ACSL5: variants seen among roughly 807,000 people sequenced by gnomAD.
ACSL5 encodes the protein long-chain-fatty-acid--CoA ligase 5.
A neutral mutation model predicts 84.9 loss-of-function variants in ACSL5; 50 were observed. The observed-to-expected ratio is 0.59, with a 90% confidence interval of 0.47 to 0.75. The LOEUF (loss-of-function observed/expected upper bound fraction) is 0.75, where lower values mean the gene tolerates loss of function less well. Among genes scored for constraint, ACSL5 ranks in the 30% least tolerant of loss-of-function variants. ACSL5 has a pLI of 0.00. For missense variants in ACSL5, 775 were observed against 830.4 expected (o/e 0.93, Z 0.82); for synonymous variants, 280 against 300.7 (o/e 0.93, Z 0.71).
intron 3 of ACSL5, among the ~76,000 whole-genome samples, chr10:112,403,815 A>ATT (rs1245397551): frequency 6.6e-6 from 1 of 152,198 alleles, no homozygotes; most frequent in Non-Finnish European, 1.5e-5. Flanking sequence ...ATTTAGCGTA[A>ATT]TTTAAAGTGT....
At chr10:112,392,611 G>A (rs1036495647) in intron 1 of ACSL5, among the ~76,000 whole-genome samples, 2 of 152,038 alleles carry the variant, frequency 1.3e-5, no homozygotes, top group Non-Finnish European at 2.9e-5. Context: ...CATGGTGGCA[G>A]GCACCTGTAG....
At chr10:112,426,011 C>A (rs563478028) in intron 18 of ACSL5, among the ~76,000 whole-genome samples, 1 of 152,068 alleles carries the variant, frequency 6.6e-6, no homozygotes, top group African/African-American at 2.4e-5. Context: ...AAGCCAGAGG[C>A]GCTTTAAGCT....
At chr10:112,377,791 G>C (rs1849269715) in intron 1 of ACSL5, among the ~76,000 whole-genome samples, 2 of 152,104 alleles carry the variant, frequency 1.3e-5, no homozygotes, top group Admixed American at 1.3e-4. Flanking sequence ...AAAACAAGAA[G>C]TGTAAGTGCA....
chr10:112,375,061 A>T (rs1049222698), intron 1 of ACSL5, among the ~76,000 whole-genome samples: 20 of 146,120 alleles, frequency 1.4e-4, no homozygotes, highest in Admixed American at 8.8e-4. Flanking sequence ...ATAAAAAAAA[A>T]AGAAATAAAA....
At position 112,422,454 on chromosome 10, in the gene ACSL5, T is replaced by C. The variant is rs1373051261; in HGVS notation, c.1593+13T>C. 6.2e-7 allele frequency: 1 copy of C among 1,608,658 alleles called. No homozygotes were observed. The highest frequency in any genetic ancestry group is 1.7e-5 in the Admixed American group (1 of 59,730). On this transcript the variant is annotated intron_variant, in intron 17 of 20. Coordinates refer to ENST00000354655, the MANE Select transcript of ACSL5 (RefSeq NM_203379.2). ...TCGCTGGCTCCCGGTAGGTATATCA[T>C]CAGAACTCCTGGAAGTCTATGCTAA...
chr10:112,377,956 C>A (rs1253161624), intron 1 of ACSL5, among the ~76,000 whole-genome samples: 4 of 152,150 alleles, frequency 2.6e-5, no homozygotes, highest in Non-Finnish European at 5.9e-5. Context: ...ACTTTTTAAT[C>A]CAGACCAAAC....
chr10:112,384,398 G>A (rs1849409750), intron 1 of ACSL5, among the ~76,000 whole-genome samples: 1 of 152,190 alleles, frequency 6.6e-6, no homozygotes, highest in Non-Finnish European at 1.5e-5. Context: ...ATACAGCCAA[G>A]CCCTTCAATA....
chr10:112,421,555 T>C (rs768683565), intron 14 of ACSL5, 38 bp from the exon 15 acceptor site: 5 of 1,596,294 alleles, frequency 3.1e-6, no homozygotes, highest in Non-Finnish European at 3.4e-6. Flanking sequence ...TCACACTTTA[T>C]CTTGAGTAAG....
intron 20 of ACSL5, 58 bp from the exon 21 acceptor site, chr10:112,427,160 C>A: frequency 6.5e-7 from 1 of 1,541,236 alleles, no homozygotes; most frequent in Non-Finnish European, 8.7e-7. Flanking sequence ...ACTCAGGGGG[C>A]TCTGCAGAGA....
intron 1 of ACSL5, among the ~76,000 whole-genome samples, chr10:112,389,147 T>G (rs958761158): frequency 1.3e-5 from 2 of 151,962 alleles, no homozygotes; most frequent in Non-Finnish European, 2.9e-5. Context: ...CTGCCCCAAG[T>G]CCACAAAAGG....
intron 1 of ACSL5, among the ~76,000 whole-genome samples, chr10:112,387,795 A>G (rs988555031): frequency 5.9e-5 from 9 of 152,244 alleles, no homozygotes; most frequent in African/African-American, 2.2e-4. Flanking sequence ...CATGCAAAAG[A>G]ACACAGAAAT....
At chr10:112,422,118 G>C in intron 16 of ACSL5, 83 bp downstream of exon 16, 4 of 1,485,594 alleles carry the variant, frequency 2.7e-6, no homozygotes, top group Non-Finnish European at 3.7e-6. Flanking sequence ...AGCAAACTTG[G>C]ATTTGGCCCC....
chr10:112,381,784 T>C (rs1179432249), intron 1 of ACSL5, among the ~76,000 whole-genome samples: 2 of 151,672 alleles, frequency 1.3e-5, no homozygotes, highest in Non-Finnish European at 2.9e-5. Flanking sequence ...CTGGCCAATA[T>C]GGTGAAACCT....
rs1419078502 is a variant in ACSL5, at chr10:112,395,107, T to C, written c.156+5T>C. Reference sequence around the variant, plus strand: ...AATCAGTCTGTGGGAATTGAGGTAATTTACCAGTCATCCTTTTAGTTTGTC... The same window carrying C: ...AATCAGTCTGTGGGAATTGAGGTAACTTACCAGTCATCCTTTTAGTTTGTC... On this transcript the variant is annotated splice_donor_5th_base_variant and intron_variant, in intron 2 of 20. Coordinates refer to ENST00000354655, the MANE Select transcript of ACSL5 (RefSeq NM_203379.2). 1.9e-6 allele frequency: 3 copies of C among 1,610,022 alleles called. No homozygotes were observed. Among genetic ancestry groups the C allele is most frequent in the Non-Finnish European group, 2.5e-6 (3 of 1,177,032 alleles).
chr10:112,382,635 A>G (rs1849372268), intron 1 of ACSL5, among the ~76,000 whole-genome samples: 1 of 152,176 alleles, frequency 6.6e-6, no homozygotes, highest in Non-Finnish European at 1.5e-5. Context: ...ATTCAGCAGC[A>G]AAGATTTTAC....
intron 3 of ACSL5, among the ~76,000 whole-genome samples, chr10:112,403,321 CTT>C (rs1843948402): frequency 6.6e-6 from 1 of 152,210 alleles, no homozygotes; most frequent in Non-Finnish European, 1.5e-5. Context: ...GAGTTTTGCT[CTT>C]GTTGCCCAGG....
At chr10:112,422,301 C>G (rs758954813) in intron 16 of ACSL5, 24 bp from the exon 17 acceptor site, 64 of 1,598,376 alleles carry the variant, frequency 4.0e-5, no homozygotes, top group Non-Finnish European at 5.2e-5. Flanking sequence ...GCTATTGTCA[C>G]CGCCTTGTAT....
At chr10:112,411,631 C>CAA in intron 10 of ACSL5, 102 bp downstream of exon 10, 1 of 937,298 alleles carries the variant, frequency 1.1e-6, no homozygotes, top group South Asian at 1.5e-5. Flanking sequence ...CACACATACA[C>CAA]ACACACACAC....
chr10:112,415,527 T>G (rs1844295533), intron 12 of ACSL5, among the ~76,000 whole-genome samples: 1 of 152,240 alleles, frequency 6.6e-6, no homozygotes, highest in Admixed American at 6.5e-5. Context: ...TTGTGAATGT[T>G]GAAGAAAGAT....
Sources: allele counts gnomAD v4.1 joint callset (sites outside exome capture counted in the v4.1 genomes callset), GRCh38; gene constraint gnomAD v4.1.1; transcripts MANE v1.5; gene names NCBI Gene and HGNC (gene_info 2026-07-23, HGNC 2026-07-21).